The following SAMD7 variants were observed in gnomAD, a reference collection of about 807,000 sequenced individuals.
The protein encoded by SAMD7 is sterile alpha motif domain-containing protein 7.
Under a neutral mutation model 36.7 loss-of-function variants are expected in SAMD7, and 34 were observed. The observed-to-expected ratio is 0.93, with a 90% CI of 0.71 to 1.23. SAMD7 has a LOEUF of 1.23. SAMD7 is among the 50% of genes most tolerant of loss of function. SAMD7 has a pLI of 0.00. For synonymous variants in SAMD7, 188 were observed against 189.7 expected (o/e 0.99, Z 0.07); for missense variants, 570 against 546.6 (o/e 1.04, Z -0.43).
At chr3:169,932,176 G>A in intron 7 of SAMD7, 1 of 644,990 alleles carries the variant, frequency 1.6e-6, no homozygotes, top group Non-Finnish European at 2.7e-6. Context: ...ACCCAAGTTG[G>A]ACCACACGTT....
At position 169,936,409 on chromosome 3, in the gene SAMD7, T is replaced by C. The variant is rs1713719138; in HGVS notation, c.1112T>C (p.Met371Thr). The C allele has an allele frequency of 5.6e-6, 9 of 1,613,508 alleles. No individual in the cohort carries two copies. Among genetic ancestry groups the C allele is most frequent in the African/African-American group, 1.3e-5 (1 of 74,912 alleles). ...LLTEEHLRGT[M>T]GLKLGPALKI... ...ACAGAAGAGCATCTTCGAGGCACTA[T>C]GGGATTAAAGCTAGGGCCGGCACTA... Residue 371 changes from methionine (M) to threonine (T), a missense_variant, in exon 8 of 9, where the codon ATG becomes ACG. Coordinates refer to ENST00000335556, the MANE Select transcript of SAMD7 (RefSeq NM_001304366.2).
rs749961032 is a variant in SAMD7, at chr3:169,936,397, T to C, written c.1100T>C (p.Leu367Pro). The C allele has an allele frequency of 1.2e-6, 2 of 1,613,840 alleles. No individual in the cohort carries two copies. The highest frequency in any genetic ancestry group is 1.7e-6 in the Non-Finnish European group (2 of 1,179,754). The stretch of plus-strand genomic sequence containing the variant: ...TTGCCATTACTCACAGAAGAGCATC[T>C]TCGAGGCACTATGGGATTAAAGCTA... Reference protein sequence around the residue: ...ETLPLLTEEHLRGTMGLKLGP... With the variant: ...ETLPLLTEEHPRGTMGLKLGP... The change falls in exon 8 of 9, where the codon CTT becomes CCT. Residue 367 changes from leucine (L) to proline (P), a missense_variant. By Grantham distance (98) the Leu-to-Pro change is moderately conservative (BLOSUM62 -3). Transcript: ENST00000335556.
intron 6 of SAMD7, among the ~76,000 whole-genome samples, chr3:169,927,813 CAG>C (rs1272204786): frequency 6.6e-6 from 1 of 152,082 alleles, no homozygotes; most frequent in African/African-American, 2.4e-5. Context: ...TTCAACAAAG[CAG>C]AGAGGCGTCT....
intron 8 of SAMD7, among the ~76,000 whole-genome samples, chr3:169,938,063 C>G (rs1713785645): frequency 6.6e-6 from 1 of 152,214 alleles, no homozygotes; most frequent in Non-Finnish European, 1.5e-5. Flanking sequence ...CTACTTTTCT[C>G]CCCCTCAGTA....
intron 3 of SAMD7, among the ~76,000 whole-genome samples, chr3:169,919,897 G>A (rs969352899): frequency 3.9e-5 from 6 of 152,180 alleles, no homozygotes; most frequent in African/African-American, 1.2e-4. Context: ...GCAGACAGCC[G>A]GGCACAGTGG....
chr3:169,937,501 A>G (rs1576841165), intron 8 of SAMD7, among the ~76,000 whole-genome samples: 1 of 152,268 alleles, frequency 6.6e-6, no homozygotes, highest in East Asian at 1.9e-4. Context: ...AAGTGAGAAC[A>G]TGCGGTGTTT....
intron 7 of SAMD7, among the ~76,000 whole-genome samples, chr3:169,933,825 A>T (rs555098252): frequency 1.3e-5 from 2 of 152,302 alleles, no homozygotes; most frequent in South Asian, 4.1e-4. Flanking sequence ...GAGTGATCCC[A>T]CATCCATACG....
At chr3:169,925,415 G>A (rs1199404927) in intron 5 of SAMD7, among the ~76,000 whole-genome samples, 1 of 152,080 alleles carries the variant, frequency 6.6e-6, no homozygotes, top group Non-Finnish European at 1.5e-5. Context: ...ATGCAGGTTG[G>A]TTAAGGATAA....
In SAMD7 at chr3:169,919,627, G is replaced by A. The variant is rs1038211350; in HGVS notation, c.86+43G>A. Reference sequence around the variant, plus strand: ...AATAGTTTGATCAAAGAACAACATGGACAATCATTACGTTTTGGAATGATG... The same window carrying A: ...AATAGTTTGATCAAAGAACAACATGAACAATCATTACGTTTTGGAATGATG... On this transcript the variant is annotated intron_variant, in intron 3 of 8. Transcript: ENST00000335556. 7.2e-6 allele frequency: 10 copies of A among 1,394,648 alleles called. 1 individual carries two copies. In the East Asian group the frequency reaches 2.0e-4, roughly 29 times the overall value. 86.4% of individuals were successfully genotyped at this position (1,394,648 alleles called of 1,614,324 possible).
At chr3:169,913,469 G>A (rs1712683680) in intron 1 of SAMD7, among the ~76,000 whole-genome samples, 1 of 152,192 alleles carries the variant, frequency 6.6e-6, no homozygotes, top group Admixed American at 6.5e-5. Flanking sequence ...AATCAGTTGA[G>A]ACAGAATTAG....
chr3:169,923,655 T>A (rs1713142618), intron 4 of SAMD7, among the ~76,000 whole-genome samples: 1 of 152,172 alleles, frequency 6.6e-6, no homozygotes, highest in African/African-American at 2.4e-5. Flanking sequence ...GGCAGGAGAA[T>A]CACTTGAACA....
intron 5 of SAMD7, 81 bp from the exon 6 acceptor site, chr3:169,926,472 T>C: frequency 7.2e-7 from 1 of 1,395,568 alleles, no homozygotes; most frequent in East Asian, 2.3e-5. Flanking sequence ...TGAGGACTAT[T>C]TTAGGGAAGA....
chr3:169,919,424 T>C, intron 2 of SAMD7, 34 bp from the exon 3 acceptor site: 3 of 1,104,856 alleles, frequency 2.7e-6, no homozygotes, highest in African/African-American at 1.5e-5. Context: ...AAAAGTAGAG[T>C]TATTTGTTAA....
At chr3:169,915,625 C>T (rs1712764737) in intron 2 of SAMD7, among the ~76,000 whole-genome samples, 184 bp downstream of exon 2, 1 of 137,332 alleles carries the variant, frequency 7.3e-6, no homozygotes, top group South Asian at 2.3e-4. Context: ...CCCTCTGTTG[C>T]CCAGGCTGGA....
Position 169,936,365 on chromosome 3 carries a change from A to G in SAMD7, c.1068A>G (p.Gly356=), listed in dbSNP as rs760381496. Residue 356 remains glycine (G), a synonymous_variant, in exon 8 of 9, where the codon GGA becomes GGG. Coordinates refer to ENST00000335556, the MANE Select transcript of SAMD7 (RefSeq NM_001304366.2). ...AQVFKDHAID[G]ETLPLLTEEH... ...TATTTAAAGATCATGCAATTGATGG[A>G]GAAACTTTGCCATTACTCACAGAAG... 18 of 1,611,054 alleles carry G rather than the reference A, an allele frequency of 1.1e-5. No individual in the cohort carries two copies. The South Asian group carries it at 1.8e-4, about 16-fold the overall frequency.
In SAMD7 at chr3:169,932,988, C is replaced by G. The variant is rs570400234; in HGVS notation, c.1042-3351C>G. 6.9e-6 allele frequency: 5 copies of G among 722,090 alleles called. No homozygotes were observed. In the East Asian group the frequency reaches 8.1e-5, roughly 12 times the overall value. 44.7% of individuals were successfully genotyped at this position (722,090 alleles called of 1,614,324 possible). A position where few individuals can be genotyped will look rare whatever the true frequency, so the allele number is the denominator to read the frequency against. On this transcript the variant is annotated intron_variant, in intron 7 of 8. Coordinates refer to ENST00000335556, the MANE Select transcript of SAMD7 (RefSeq NM_001304366.2). ...GATGAAAGAAGCATTCTTTCCCCCC[C>G]TCTATCAGTGTGGCATCACTCAGGT...
chr3:169,929,025 T>C (rs550881383), intron 7 of SAMD7, among the ~76,000 whole-genome samples: 3 of 152,336 alleles, frequency 2.0e-5, no homozygotes, highest in Admixed American at 2.0e-4. Flanking sequence ...AAGAAGGCAA[T>C]ATCTGAAAAG....
chr3:169,938,687 C>T lies in SAMD7; in HGVS notation c.*181C>T. 4.3e-6 allele frequency: 2 copies of T among 465,666 alleles called. No individual in the cohort carries two copies. The highest frequency in any genetic ancestry group is 2.0e-5 in the African/African-American group (1 of 50,186). 28.8% of individuals were successfully genotyped at this position (465,666 alleles called of 1,614,324 possible). A position where few individuals can be genotyped will look rare whatever the true frequency, so the allele number is the denominator to read the frequency against. On this transcript the variant is annotated 3_prime_UTR_variant, in exon 9 of 9. Transcript: ENST00000335556. ...CCCTGCCAGGGCTGAATGACCCCAG[C>T]ACCAAATGACTGGAGACGCATCCTT...
rs1052520914 is a variant in SAMD7, at chr3:169,926,806, C to G, written c.544C>G (p.Arg182Gly). 73 of 1,613,644 alleles carry G rather than the reference C, an allele frequency of 4.5e-5. No individual in the cohort carries two copies. The highest frequency in any genetic ancestry group is 6.2e-5 in the Non-Finnish European group (73 of 1,179,984). Reference protein sequence around the residue: ...HFEESWGQRCRRLRKNTGNQK... With the variant: ...HFEESWGQRCGRLRKNTGNQK... Reference sequence around the variant, plus strand: ...TGAGGAGAGCTGGGGGCAGAGATGTCGTCGACTCAGGAAAAATACAGGGAA... The same window carrying G: ...TGAGGAGAGCTGGGGGCAGAGATGTGGTCGACTCAGGAAAAATACAGGGAA... Residue 182 changes from arginine (R) to glycine (G), a missense_variant, in exon 6 of 9, where the codon CGT becomes GGT. Coordinates refer to ENST00000335556, the MANE Select transcript of SAMD7 (RefSeq NM_001304366.2).
Sources: allele counts gnomAD v4.1 joint callset (sites outside exome capture counted in the v4.1 genomes callset), GRCh38; gene constraint gnomAD v4.1.1; transcripts MANE v1.5; gene names NCBI Gene and HGNC (gene_info 2026-07-23, HGNC 2026-07-21).